The following UGDH variants were observed in gnomAD, a reference collection of about 807,000 sequenced individuals.
UGDH encodes UDP-glucose 6-dehydrogenase.
In UGDH, 38 loss-of-function variants were observed where a neutral mutation model predicts 50.6. That is an observed-to-expected ratio of 0.75 (90% CI 0.58 to 0.98). UGDH has a LOEUF of 0.98. UGDH is among the 50% of genes least tolerant of loss of function. The probability of loss-of-function intolerance (pLI) is 0.00; values close to 1 mark genes in which losing one functional copy is unlikely to be tolerated. For synonymous variants in UGDH, 168 were observed against 199.9 expected (o/e 0.84, Z 1.35); for missense variants, 465 against 606.2 (o/e 0.77, Z 2.45).
At chr4:39,500,289 AATTAT>A (rs751838937) in intron 11 of UGDH, 36 bp from the exon 12 acceptor site, 61 of 1,335,674 alleles carry the variant, frequency 4.6e-5, no homozygotes, top group African/African-American at 5.9e-5. Flanking sequence ...AACTATTAAC[AATTAT>A]ATAAGTGTAA....
At chr4:39,505,551 A>G (rs1381508882) in intron 8 of UGDH, 67 bp downstream of exon 8, 1 of 1,433,448 alleles carries the variant, frequency 7.0e-7, no homozygotes, top group Admixed American at 2.4e-5. Flanking sequence ...ACCTACCCCA[A>G]TCAAAAAATT....
intron 1 of UGDH, among the ~76,000 whole-genome samples, chr4:39,525,948 C>A (rs1046331142): frequency 6.6e-6 from 1 of 152,326 alleles, no homozygotes; most frequent in African/African-American, 2.4e-5. Context: ...ACAAACCAAA[C>A]CGTTCCAAAA....
At chr4:39,519,628 T>A (rs1746569387) in intron 2 of UGDH, among the ~76,000 whole-genome samples, 1 of 151,994 alleles carries the variant, frequency 6.6e-6, no homozygotes, top group African/African-American at 2.4e-5. Flanking sequence ...AACCTCTGCC[T>A]CCTGGGTACA....
intron 7 of UGDH, among the ~76,000 whole-genome samples, chr4:39,507,634 T>G (rs1746078846): frequency 6.6e-6 from 1 of 152,152 alleles, no homozygotes; most frequent in Admixed American, 6.6e-5. Context: ...TATTTTATTT[T>G]GATTTTATGC....
chr4:39,509,974 T>A, intron 5 of UGDH, 67 bp from the exon 6 acceptor site: 1 of 1,504,118 alleles, frequency 6.6e-7, no homozygotes, highest in Non-Finnish European at 8.8e-7. Context: ...ATCTAGTTTA[T>A]ATTTCATTGC....
At chr4:39,525,028 C>T (rs1171942012) in intron 1 of UGDH, among the ~76,000 whole-genome samples, 1 of 152,152 alleles carries the variant, frequency 6.6e-6, no homozygotes, top group Non-Finnish European at 1.5e-5. Context: ...TACGGCTTAC[C>T]GATGACAATG....
chr4:39,523,902 A>AC (rs1746774074), intron 1 of UGDH, among the ~76,000 whole-genome samples: 1 of 152,056 alleles, frequency 6.6e-6, no homozygotes, highest in Admixed American at 6.6e-5. Context: ...TCTCACTCCA[A>AC]CCCCTTCCTT....
intron 11 of UGDH, among the ~76,000 whole-genome samples, chr4:39,500,653 C>CTTTTTTTTTTTTTTTTT (rs11284301): frequency 4.4e-5 from 6 of 135,222 alleles, no homozygotes; most frequent in Non-Finnish European, 4.8e-5. Context: ...GCATAATTCT[C>CTTTTTTTTTTTTTTTTT]TTTTTTTTTT....
At chr4:39,506,968 G>C (rs926530402) in intron 7 of UGDH, among the ~76,000 whole-genome samples, 1 of 152,114 alleles carries the variant, frequency 6.6e-6, no homozygotes, top group African/African-American at 2.4e-5. Flanking sequence ...ATCTAGGCTG[G>C]ACAACACAGT....
rs34122254 is a variant in UGDH at position 39,507,942 on chromosome 4, CAAA to C, written c.906+621_906+623del. 7.7e-3 allele frequency among the ~76,000 whole-genome samples: 588 copies of C among 76,580 alleles called. 8 individuals are homozygous for C. The highest frequency in any genetic ancestry group is 0.02 in the African/African-American group (525 of 26,518). The allele number at this position is 76,580 out of a possible 152,430, so 50.2% of individuals were successfully genotyped here. The stretch of plus-strand genomic sequence containing the variant: ...TGGGTGACAAAGTGAGATCTTGTCT[CAAA>C]AAAAAAAAAAAAAAAAAGAGAGAAG... On this transcript the variant is annotated intron_variant, in intron 7 of 11. Coordinates refer to ENST00000316423, the MANE Select transcript of UGDH (RefSeq NM_003359.4).
chr4:39,513,831 G>A (rs769199914), intron 3 of UGDH, among the ~76,000 whole-genome samples: 2 of 152,078 alleles, frequency 1.3e-5, no homozygotes, highest in East Asian at 1.9e-4. Flanking sequence ...CACCGCACCC[G>A]CCCATTTCCT....
At chr4:39,510,020 C>A in intron 5 of UGDH, 113 bp from the exon 6 acceptor site, 1 of 1,218,448 alleles carries the variant, frequency 8.2e-7, no homozygotes, top group Non-Finnish European at 1.1e-6. Flanking sequence ...ATATAAGATA[C>A]TGATGAGCTC....
intron 3 of UGDH, among the ~76,000 whole-genome samples, chr4:39,513,821 C>G (rs565978338): frequency 1.3e-5 from 2 of 152,292 alleles, no homozygotes; most frequent in Non-Finnish European, 1.5e-5. Flanking sequence ...AGGCGTGAGC[C>G]ACCGCACCCG....
At chr4:39,506,233 T>TTAAAAAAA (rs543831901) in intron 7 of UGDH, among the ~76,000 whole-genome samples, 1 of 131,134 alleles carries the variant, frequency 7.6e-6, no homozygotes, top group African/African-American at 2.9e-5. Flanking sequence ...GCCGTAAATT[T>TTAAAAAAA]AAAAAAAAAA....
chr4:39,504,610 G>A (rs914904479), intron 9 of UGDH, 102 bp from the exon 10 acceptor site: 8 of 1,000,674 alleles, frequency 8.0e-6, no homozygotes, highest in Non-Finnish European at 1.1e-5. Context: ...AAGACCCCCA[G>A]TAGATGTCTG....
In UGDH at chr4:39,505,661, C is replaced by CAAAAA; in HGVS notation, c.993_994insTTTTT (p.Ala332PhefsTer28). On this transcript the variant is annotated frameshift_variant, in exon 8 of 12. Transcript: ENST00000316423. LOFTEE classifies it high-confidence loss of function. The stretch of plus-strand genomic sequence containing the variant: ...TTTTTGAATGCAAATCCCAAAATAG[C>CAAAAA]TATCTTCTTATCAGTTACTGTATTA... 6.2e-7 allele frequency: 1 copy of CAAAAA among 1,608,114 alleles called. No homozygotes were observed. Among genetic ancestry groups the CAAAAA allele is most frequent in the Non-Finnish European group, 8.5e-7 (1 of 1,176,942 alleles).
intron 7 of UGDH, among the ~76,000 whole-genome samples, chr4:39,507,248 A>G (rs917788995): frequency 6.6e-6 from 1 of 152,256 alleles, no homozygotes; most frequent in Non-Finnish European, 1.5e-5. Flanking sequence ...CAGGGTAAGC[A>G]TTCAATAAAC....
intron 2 of UGDH, among the ~76,000 whole-genome samples, chr4:39,520,254 G>A (rs1055966212): frequency 5.9e-5 from 9 of 152,148 alleles, no homozygotes; most frequent in East Asian, 1.9e-4. Context: ...CAAGAGAATC[G>A]CTTGAACACG....
chr4:39,500,339 A>C, intron 11 of UGDH, 86 bp from the exon 12 acceptor site: 1 of 803,240 alleles, frequency 1.2e-6, no homozygotes, highest in Non-Finnish European at 1.9e-6. Context: ...AGCAGGGGGA[A>C]TCTAGATTTT....
Sources: gnomAD v4.1 joint callset for allele counts (sites outside exome capture counted in the v4.1 genomes callset) on GRCh38, gnomAD v4.1.1 for gene constraint, MANE v1.5 for transcripts, NCBI Gene and HGNC (gene_info 2026-07-23, HGNC 2026-07-21) for gene names.